GRID1: variants seen among roughly 807,000 people sequenced by gnomAD.
The protein encoded by GRID1 is glutamate ionotropic receptor delta type subunit 1.
In GRID1, 28 loss-of-function variants were observed where a neutral mutation model predicts 98.0. The ratio of observed to expected loss-of-function variants is 0.29; its 90% CI spans 0.21 to 0.39. GRID1 has a LOEUF of 0.39. Ranked by LOEUF, GRID1 falls within the 10% of genes least tolerant of loss-of-function variation. The probability of loss-of-function intolerance (pLI) is 1.00; values close to 1 mark genes in which losing one functional copy is unlikely to be tolerated. For missense variants in GRID1, 1,111 were observed against 1,340.5 expected, an observed-to-expected ratio of 0.83 and a Z score of 2.67; for synonymous variants, 553 against 538.5, an observed-to-expected ratio of 1.03 and a Z score of -0.37.
intron 8 of GRID1, among the ~76,000 whole-genome samples, chr10:85,739,245 G>T (rs140952840): frequency 1.4e-3 from 217 of 152,188 alleles, no homozygotes; most frequent in African/African-American, 4.9e-3. Flanking sequence ...ATGACTAAAC[G>T]ATGACCTATT....
At chr10:85,986,554 A>T (rs1842611179) in intron 4 of GRID1, among the ~76,000 whole-genome samples, 1 of 152,134 alleles carries the variant, frequency 6.6e-6, no homozygotes, top group African/African-American at 2.4e-5. Context: ...GCCAGACCCC[A>T]ACTGCAACCT....
chr10:86,121,623 T>C (rs1405288819), intron 4 of GRID1, among the ~76,000 whole-genome samples: 5 of 918 alleles, frequency 5.4e-3, no homozygotes, highest in African/African-American at 0.017. Context: ...ATCAACAGCA[T>C]CATCACCATC....
chr10:85,960,728 G>C (rs920924485), intron 4 of GRID1, among the ~76,000 whole-genome samples: 6 of 152,200 alleles, frequency 3.9e-5, no homozygotes, highest in Non-Finnish European at 7.3e-5. Flanking sequence ...CCAAATGAAT[G>C]AATCAATGGA....
chr10:85,747,891 G>A (rs541065338), intron 8 of GRID1, among the ~76,000 whole-genome samples: 22 of 152,274 alleles, frequency 1.4e-4, no homozygotes, highest in African/African-American at 5.3e-4. Flanking sequence ...CTTGCTTTCA[G>A]TACCAGTAAG....
chr10:86,093,268 C>T (rs1417948950), intron 4 of GRID1, among the ~76,000 whole-genome samples: 1 of 151,856 alleles, frequency 6.6e-6, no homozygotes, highest in Admixed American at 6.6e-5. Flanking sequence ...TTAATGCCTA[C>T]ATCAAAAAGT....
Position 85,667,239 on chromosome 10 carries a change from C to T in GRID1, c.1998-19842G>A, listed in dbSNP as rs1464305970. The stretch of plus-strand genomic sequence containing the variant: ...CTGCTCTTCTTCCTGGGAAAAATTT[C>T]CCCCGCATCCTCTGGGACTTTCAGG... On this transcript the variant is annotated intron_variant, in intron 12 of 15. Transcript: ENST00000327946. 2.0e-5 allele frequency among the ~76,000 whole-genome samples: 3 copies of T among 151,968 alleles called. No individual in the cohort carries two copies. The East Asian group carries it at 5.8e-4, about 29-fold the overall frequency.
chr10:86,191,622 G>C (rs1434169573), intron 3 of GRID1, among the ~76,000 whole-genome samples: 1 of 152,070 alleles, frequency 6.6e-6, no homozygotes, highest in East Asian at 1.9e-4. Context: ...TCTGCTTCCA[G>C]TGTCTCTGGC....
chr10:85,611,698 A>G (rs1842734448), intron 15 of GRID1, among the ~76,000 whole-genome samples: 1 of 152,114 alleles, frequency 6.6e-6, no homozygotes. Flanking sequence ...GCTTCTGTGC[A>G]TAGAGACCTG....
intron 13 of GRID1, among the ~76,000 whole-genome samples, chr10:85,631,512 T>A (rs985771597): frequency 6.6e-6 from 1 of 152,160 alleles, no homozygotes; most frequent in African/African-American, 2.4e-5. Context: ...TAAAATAAGG[T>A]TTCTTATATT....
chr10:85,684,090 T>G (rs1327104437), intron 12 of GRID1, among the ~76,000 whole-genome samples: 2 of 152,216 alleles, frequency 1.3e-5, no homozygotes, highest in Non-Finnish European at 2.9e-5. Context: ...AGCCTCACAA[T>G]ATGTGCAGAT....
At chr10:86,223,990 A>G (rs1846301185) in intron 2 of GRID1, among the ~76,000 whole-genome samples, 1 of 152,188 alleles carries the variant, frequency 6.6e-6, no homozygotes, top group Admixed American at 6.5e-5. Context: ...CAGGTGATAA[A>G]CCAAAGACCA....
At chr10:86,232,795 C>T (rs1846477232) in intron 2 of GRID1, among the ~76,000 whole-genome samples, 1 of 151,992 alleles carries the variant, frequency 6.6e-6, no homozygotes. Context: ...TAAGAAACGA[C>T]TGCATTTTGA....
intron 15 of GRID1, 45 bp downstream of exon 15, chr10:85,613,362 C>T: frequency 6.4e-7 from 1 of 1,573,494 alleles, no homozygotes; most frequent in African/African-American, 1.3e-5. Context: ...TGTGACACTC[C>T]TGCCTCTAGG....
Position 85,711,384 on chromosome 10 carries a change from C to T in GRID1, c.1997+11619G>A, listed in dbSNP as rs969002765. ...ATGGAAATAAGCCATTCATAAAAAA[C>T]AATTGCCATATAATGCTATTAATAT... On this transcript the variant is annotated intron_variant, in intron 12 of 15. Transcript: ENST00000327946. Among the ~76,000 whole-genome samples, 11 of 151,992 alleles carry T rather than the reference C, an allele frequency of 7.2e-5. No homozygotes were observed. The East Asian group carries it at 2.1e-3, about 29-fold the overall frequency.
intron 8 of GRID1, among the ~76,000 whole-genome samples, chr10:85,760,641 G>A (rs1048535555): frequency 6.6e-6 from 1 of 152,184 alleles, no homozygotes; most frequent in African/African-American, 2.4e-5. Flanking sequence ...GTATTGGCTA[G>A]TGAGACAGAA....
At position 85,601,259 on chromosome 10, in the gene GRID1, A is replaced by C. The variant is rs560506967; in HGVS notation, c.*1014T>G. The C allele has an allele frequency of 8.5e-5, 13 of 152,640 alleles. No individual in the cohort carries two copies. The East Asian group carries it at 2.3e-3, about 27-fold the overall frequency. 9.5% of individuals were successfully genotyped at this position (152,640 alleles called of 1,614,324 possible). On this transcript the variant is annotated 3_prime_UTR_variant, in exon 16 of 16. Transcript: ENST00000327946. ...ACACCACAAAGCTTCTACTCCCTGC[A>C]TCTATGGCCTCACTTCCTTCTCTCA...
chr10:86,279,114 G>A (rs1321727189), intron 2 of GRID1, among the ~76,000 whole-genome samples: 2 of 152,158 alleles, frequency 1.3e-5, no homozygotes, highest in Non-Finnish European at 2.9e-5. Flanking sequence ...TCTCATGAAT[G>A]TTATGAATTC....
At chr10:85,670,892 AC>A (rs1357077233) in intron 12 of GRID1, among the ~76,000 whole-genome samples, 2 of 151,728 alleles carry the variant, frequency 1.3e-5, no homozygotes, top group Non-Finnish European at 2.9e-5. Context: ...TCCTCCCTTA[AC>A]CTCTGGCCTT....
intron 8 of GRID1, among the ~76,000 whole-genome samples, chr10:85,792,596 CTCTT>C (rs1467411990): frequency 2.0e-5 from 3 of 152,164 alleles, no homozygotes; most frequent in African/African-American, 7.2e-5. Flanking sequence ...CCTGGTCTCT[CTCTT>C]TCCACTCCTC....
Sources: gnomAD v4.1 joint callset for allele counts (sites outside exome capture counted in the v4.1 genomes callset) on GRCh38, gnomAD v4.1.1 for gene constraint, MANE v1.5 for transcripts, NCBI Gene and HGNC (gene_info 2026-07-23, HGNC 2026-07-21) for gene names.